GALNT14: variants seen among roughly 807,000 people sequenced by gnomAD.
GALNT14 encodes the protein polypeptide N-acetylgalactosaminyltransferase 14.
A neutral mutation model predicts 77.5 loss-of-function variants in GALNT14; 60 were observed. That is an observed-to-expected ratio of 0.77 (90% confidence interval 0.63 to 0.96). GALNT14 has a LOEUF of 0.96. Ranked by LOEUF, GALNT14 falls within the 40% of genes least tolerant of loss-of-function variation. The probability of loss-of-function intolerance (pLI) is 0.00; values close to 1 mark genes in which losing one functional copy is unlikely to be tolerated. For synonymous variants in GALNT14, 280 were observed against 281.7 expected (o/e 0.99, Z 0.06); for missense variants, 710 against 731.0 (o/e 0.97, Z 0.33).
downstream of GALNT14, among the ~76,000 whole-genome samples, chr2:30,906,903 T>C (rs1370199512): frequency 6.6e-6 from 1 of 152,162 alleles, no homozygotes; most frequent in African/African-American, 2.4e-5. Context: ...GGATTAAGAA[T>C]CTCACTCAAA....
At chr2:30,928,742 G>A (rs1030554708) in intron 11 of GALNT14, among the ~76,000 whole-genome samples, 16 of 152,052 alleles carry the variant, frequency 1.1e-4, no homozygotes, top group Middle Eastern at 3.4e-3. Context: ...TCAGCCTCCC[G>A]AATAGCTGGG....
intron 1 of GALNT14, among the ~76,000 whole-genome samples, chr2:31,011,401 TA>T (rs1361953131): frequency 6.6e-6 from 1 of 152,182 alleles, no homozygotes; most frequent in Non-Finnish European, 1.5e-5. Context: ...AATCCTCGGG[TA>T]AACCATTTCT....
rs376941946 is a variant in GALNT14, at chr2:30,911,057, T to C, written c.1503A>G (p.Gln501=). Residue 501 remains glutamine (Q), a splice_region_variant and synonymous_variant, in exon 15 of 15, where the codon CAA becomes CAG. Coordinates refer to ENST00000349752, the MANE Select transcript of GALNT14 (RefSeq NM_024572.4). ...VLCKNGDDRQ[Q]WTKTGSHIEH... ...CGATGTGGGAACCAGTTTTGGTCCATTGCTGGTAAGACAAAGAAGAGAGTG... is the reference window on the plus strand; with the variant it reads ...CGATGTGGGAACCAGTTTTGGTCCACTGCTGGTAAGACAAAGAAGAGAGTG... The C allele has an allele frequency of 7.4e-6, 12 of 1,613,570 alleles. No homozygotes were observed. Among genetic ancestry groups the C allele is most frequent in the Middle Eastern group, 1.6e-4 (1 of 6,074 alleles).
At chr2:31,071,601 T>C (rs1357075579) in intron 1 of GALNT14, among the ~76,000 whole-genome samples, 1 of 152,074 alleles carries the variant, frequency 6.6e-6, no homozygotes, top group South Asian at 2.1e-4. Flanking sequence ...GTCCCGGGCC[T>C]ACCTCTCCTG....
At chr2:30,957,761 C>A (rs764432255) in intron 4 of GALNT14, among the ~76,000 whole-genome samples, 2 of 152,200 alleles carry the variant, frequency 1.3e-5, no homozygotes, top group African/African-American at 2.4e-5. Context: ...TTCCATTTCC[C>A]TCAGTTCGTC....
In GALNT14 at chr2:30,929,404, G is replaced by A. The variant is rs1665589820; in HGVS notation, c.1142C>T (p.Pro381Leu). 1 of 1,613,602 alleles carries A rather than the reference G, an allele frequency of 6.2e-7. No individual in the cohort carries two copies. Among genetic ancestry groups the A allele is most frequent in the Non-Finnish European group, 8.5e-7 (1 of 1,179,594 alleles). The change falls in exon 11 of 15, where the codon CCC becomes CTC. Residue 381 changes from proline (P) to leucine (L), a missense_variant. Pro to Leu is a moderately conservative substitution (Grantham distance 98, BLOSUM62 -3). Transcript: ENST00000349752. ...CTGAAGGGACACTTACTTCCCGAAGGGCCTCTCCAGGGCGAATGGCCGGGC... is the reference window on the plus strand; with the variant it reads ...CTGAAGGGACACTTACTTCCCGAAGAGCCTCTCCAGGGCGAATGGCCGGGC... Reference protein sequence around the residue: ...YAARPFALERPFGNVESRLDL... With the variant: ...YAARPFALERLFGNVESRLDL...
chr2:31,129,119 G>A (rs1678849693), intron 1 of GALNT14, among the ~76,000 whole-genome samples: 1 of 152,190 alleles, frequency 6.6e-6, no homozygotes, highest in Non-Finnish European at 1.5e-5. Context: ...AATCTCACCT[G>A]AAGTTGAGCG....
At chr2:30,973,088 T>G (rs752560044) in intron 2 of GALNT14, among the ~76,000 whole-genome samples, 5 of 152,236 alleles carry the variant, frequency 3.3e-5, no homozygotes, top group Non-Finnish European at 7.3e-5. Flanking sequence ...GTCATTTTCA[T>G]CATGTTCCAT....
At chr2:31,040,889 A>T (rs1673057559) in intron 1 of GALNT14, among the ~76,000 whole-genome samples, 1 of 152,254 alleles carries the variant, frequency 6.6e-6, no homozygotes, top group Non-Finnish European at 1.5e-5. Flanking sequence ...TGAATGAAAG[A>T]ATAAACAAAC....
At chr2:30,994,627 A>G (rs1669911200) in intron 1 of GALNT14, among the ~76,000 whole-genome samples, 1 of 152,200 alleles carries the variant, frequency 6.6e-6, no homozygotes, top group Non-Finnish European at 1.5e-5. Flanking sequence ...AGAAACCCCC[A>G]GCCTGTGTTT....
At chr2:31,102,225 G>C (rs1469966020) in intron 1 of GALNT14, among the ~76,000 whole-genome samples, 1 of 151,524 alleles carries the variant, frequency 6.6e-6, no homozygotes, top group Non-Finnish European at 1.5e-5. Flanking sequence ...ATTTTATTCT[G>C]ATATAGCTTC....
rs954935989 is a variant in GALNT14 at position 31,095,524 on chromosome 2, T to TA, written c.129+42433dup. ...TTGCCCCTAAGATGTTCTTGGGTCC[T>TA]AAAAAAAAGTCACTTCCTACTCATC... is the stretch of plus-strand genomic sequence containing the variant. On this transcript the variant is annotated intron_variant, in intron 1 of 14. Coordinates refer to ENST00000349752, the MANE Select transcript of GALNT14 (RefSeq NM_024572.4). Among the ~76,000 whole-genome samples the TA allele has an allele frequency of 3.3e-5, 5 of 151,904 alleles. No homozygotes were observed. In the South Asian group the frequency reaches 6.3e-4, roughly 19 times the overall value.
intron 2 of GALNT14, among the ~76,000 whole-genome samples, chr2:30,967,217 C>T (rs1169590925): frequency 6.6e-6 from 1 of 152,186 alleles, no homozygotes; most frequent in African/African-American, 2.4e-5. Context: ...CAGGGATGGA[C>T]TTCAAGGGAC....
chr2:31,000,728 CA>C (rs1392522430), intron 1 of GALNT14, among the ~76,000 whole-genome samples: 2 of 152,136 alleles, frequency 1.3e-5, no homozygotes, highest in South Asian at 2.1e-4. Context: ...CTGCTTTACG[CA>C]AAGTCTGCCA....
intron 1 of GALNT14, among the ~76,000 whole-genome samples, chr2:31,068,294 G>C (rs10166079): frequency 0.62 from 93,895 of 151,914 alleles, 30,019 homozygotes; most frequent in African/African-American, 0.79. Context: ...TGAGACCAGC[G>C]TGGCCAACAT....
intron 1 of GALNT14, among the ~76,000 whole-genome samples, chr2:31,061,339 G>T (rs1349859756): frequency 1.3e-5 from 2 of 151,976 alleles, no homozygotes; most frequent in African/African-American, 4.8e-5. Context: ...ATCTGTTATA[G>T]GTTTATTAAT....
At chr2:31,055,373 G>A (rs559978814) in intron 1 of GALNT14, among the ~76,000 whole-genome samples, 1 of 152,286 alleles carries the variant, frequency 6.6e-6, no homozygotes, top group East Asian at 1.9e-4. Flanking sequence ...CACTTTAAAC[G>A]CTTCAATTAA....
At chr2:31,048,506 G>T (rs1673623972) in intron 1 of GALNT14, among the ~76,000 whole-genome samples, 1 of 152,142 alleles carries the variant, frequency 6.6e-6, no homozygotes, top group African/African-American at 2.4e-5. Context: ...CCTCTCCCTG[G>T]AAGCTAAAGT....
At chr2:31,111,584 A>G (rs1464480285) in intron 1 of GALNT14, among the ~76,000 whole-genome samples, 1 of 149,294 alleles carries the variant, frequency 6.7e-6, no homozygotes, top group Non-Finnish European at 1.5e-5. Flanking sequence ...ACTATAACAA[A>G]CCACCACAAA....
Sources: gnomAD v4.1 joint callset for allele counts (sites outside exome capture counted in the v4.1 genomes callset) on GRCh38, gnomAD v4.1.1 for gene constraint, MANE v1.5 for transcripts, NCBI Gene and HGNC (gene_info 2026-07-23, HGNC 2026-07-21) for gene names.